Variants in DNAH3 observed in about 807,000 individuals in gnomAD.
DNAH3 encodes axonemal beta dynein heavy chain 3.
A neutral mutation model predicts 432.5 loss-of-function variants in DNAH3; 332 were observed. The ratio of observed to expected loss-of-function variants is 0.77; its 90% CI spans 0.70 to 0.84. The LOEUF (loss-of-function observed/expected upper bound fraction) is 0.84, where lower values mean the gene tolerates loss of function less well. DNAH3 is among the 40% of genes least tolerant of loss of function. The probability of loss-of-function intolerance (pLI) is 0.00; values close to 1 mark genes in which losing one functional copy is unlikely to be tolerated. For missense variants in DNAH3, 4,861 were observed against 5,114.0 expected (o/e 0.95, Z 1.51); for synonymous variants, 1,956 against 1,900.2 (o/e 1.03, Z -0.76).
chr16:21,023,707 T>A (rs536619088), intron 39 of DNAH3, among the ~76,000 whole-genome samples: 1 of 151,916 alleles, frequency 6.6e-6, no homozygotes, highest in East Asian at 1.9e-4. Flanking sequence ...TGGGCCCTGA[T>A]AAGGAGTTAA....
intron 43 of DNAH3, among the ~76,000 whole-genome samples, chr16:20,998,536 A>C (rs561474292): frequency 6.6e-6 from 1 of 152,234 alleles, no homozygotes; most frequent in East Asian, 1.9e-4. Flanking sequence ...TACAGGCGTG[A>C]GCCACCACAC....
intron 21 of DNAH3, 102 bp downstream of exon 21, chr16:21,075,345 C>T: frequency 1.2e-6 from 1 of 849,448 alleles, no homozygotes; most frequent in African/African-American, 1.7e-5. Flanking sequence ...GCGATTATTT[C>T]TCTGTGAGTT....
In DNAH3 at chr16:21,128,564, G is replaced by A. The variant is rs576909329; in HGVS notation, c.1083-752C>T. ...AAAAAAATTAGCCGGGTGTGGTGGC[G>A]GGCGCCTGTAATCCCAACCACCCGG... On this transcript the variant is annotated intron_variant, in intron 7 of 61. Coordinates refer to ENST00000261383, the Ensembl canonical transcript of DNAH3. Among the ~76,000 whole-genome samples, 8 of 151,942 alleles carry A rather than the reference G, an allele frequency of 5.3e-5. No individual in the cohort carries two copies. The South Asian group carries it at 6.3e-4, about 12-fold the overall frequency.
chr16:20,984,163 G>GTA (rs2086066068), intron 48 of DNAH3, among the ~76,000 whole-genome samples: 1 of 149,640 alleles, frequency 6.7e-6, no homozygotes, highest in African/African-American at 2.5e-5. Flanking sequence ...TTATCCCAAT[G>GTA]TGTGTGTGTG....
At chr16:21,055,947 A>T (rs1309377421) in intron 27 of DNAH3, among the ~76,000 whole-genome samples, 2 of 152,132 alleles carry the variant, frequency 1.3e-5, no homozygotes, top group Non-Finnish European at 2.9e-5. Flanking sequence ...TGTGTTGCCC[A>T]GGCTGGTCTT....
intron 39 of DNAH3, among the ~76,000 whole-genome samples, chr16:21,023,028 G>A (rs914384572): frequency 7.9e-5 from 12 of 152,126 alleles, no homozygotes; most frequent in Admixed American, 6.6e-5. Flanking sequence ...GATTACAGGC[G>A]TGAGCCACCA....
rs34245316 is a variant in DNAH3, at chr16:20,972,739, ATTTTTT to A, written c.8259+2488_8259+2493del. Among the ~76,000 whole-genome samples, 632 of 95,968 alleles carry A rather than the reference ATTTTTT, an allele frequency of 6.6e-3. 2 individuals are homozygous for A. Among genetic ancestry groups the A allele is most frequent in the Non-Finnish European group, 9.5e-3 (498 of 52,386 alleles). The allele number at this position is 95,968 out of a possible 152,430, so 63.0% of individuals were successfully genotyped here. A position where few individuals can be genotyped will look rare whatever the true frequency, so the allele number is the denominator to read the frequency against. On this transcript the variant is annotated intron_variant, in intron 51 of 61. Transcript: ENST00000261383. ...TGCCCTTCTGAGACAATGCCCCGTG[ATTTTTT>A]TTTTTTTTTTTTTTTTTTGGTCACT...
intron 12 of DNAH3, among the ~76,000 whole-genome samples, chr16:21,115,508 A>T (rs2092170585): frequency 6.6e-6 from 1 of 151,872 alleles, no homozygotes; most frequent in Non-Finnish European, 1.5e-5. Context: ...GGAGTTTGAA[A>T]CCAGCCTGGC....
intron 35 of DNAH3, 100 bp downstream of exon 35, chr16:21,036,614 G>C (rs1416692306): frequency 7.9e-6 from 9 of 1,133,590 alleles, no homozygotes; most frequent in African/African-American, 1.6e-5. Flanking sequence ...AGGCACCTCT[G>C]ATTGCTGTCA....
chr16:21,083,116 A>G (rs1171503821), intron 19 of DNAH3, among the ~76,000 whole-genome samples: 1 of 151,240 alleles, frequency 6.6e-6, no homozygotes, highest in Non-Finnish European at 1.5e-5. Flanking sequence ...TCCTGGGTCC[A>G]ATGATTTTCC....
intron 56 of DNAH3, among the ~76,000 whole-genome samples, chr16:20,951,900 T>C (rs1257525599): frequency 2.0e-5 from 3 of 152,114 alleles, no homozygotes; most frequent in East Asian, 1.9e-4. Flanking sequence ...CTGGCCACCA[T>C]GCCCGGCTAA....
At chr16:20,987,835 A>T in exon 46 of DNAH3, 2 of 1,614,170 alleles carry the variant, frequency 1.2e-6, no homozygotes, top group Non-Finnish European at 1.7e-6. Context: ...AGCTTGGACC[A>T]GCATCTTTCC....
chr16:21,123,326 T>C (rs986550276), intron 9 of DNAH3, among the ~76,000 whole-genome samples: 8 of 152,180 alleles, frequency 5.3e-5, no homozygotes, highest in East Asian at 1.9e-4. Flanking sequence ...ACTTCTTACA[T>C]AGAGATTTCT....
At chr16:21,116,000 A>G (rs191937151) in intron 12 of DNAH3, among the ~76,000 whole-genome samples, 16 of 152,188 alleles carry the variant, frequency 1.1e-4, no homozygotes, top group Admixed American at 7.2e-4. Flanking sequence ...TAATTCCTAC[A>G]AGGATTCTGC....
chr16:21,108,549 G>T (rs1290410129), intron 14 of DNAH3, among the ~76,000 whole-genome samples: 1 of 151,932 alleles, frequency 6.6e-6, no homozygotes. Context: ...TTTGAGACCA[G>T]CCTGGGCAAA....
At chr16:21,004,259 A>T (rs79480785) in intron 41 of DNAH3, among the ~76,000 whole-genome samples, 3,793 of 152,296 alleles carry the variant, frequency 0.025, 170 homozygotes, top group African/African-American at 0.087. Context: ...TCCTGTACGC[A>T]TTATCCAGCC....
intron 39 of DNAH3, among the ~76,000 whole-genome samples, chr16:21,023,786 GGTGTGTGTGTGT>G (rs3220045): frequency 1.4e-5 from 2 of 146,384 alleles, no homozygotes; most frequent in South Asian, 4.4e-4. Context: ...CAGCTTTTGG[GGTGTGTGTGTGT>G]GTGTGTGTGT....
At chr16:21,010,592 CTTAT>C (rs1330569144) in intron 41 of DNAH3, among the ~76,000 whole-genome samples, 1 of 152,160 alleles carries the variant, frequency 6.6e-6, no homozygotes, top group Non-Finnish European at 1.5e-5. Context: ...TCCTCCAGCA[CTTAT>C]TTGAGAGATC....
Position 21,097,421 on chromosome 16 carries a change from CT to C in DNAH3, c.2598del (p.Val867TyrfsTer21). 6.2e-7 allele frequency: 1 copy of C among 1,613,968 alleles called. No homozygotes were observed. Among genetic ancestry groups the C allele is most frequent in the East Asian group, 2.2e-5 (1 of 44,872 alleles). ...GTCGACCACAGCTGCTCATAAGGTA[CT>C]TTGTTCTTCAGCATGGCCTGCAGAA... is the stretch of plus-strand genomic sequence containing the variant. On this transcript the variant is annotated frameshift_variant, in exon 18 of 62. Coordinates refer to ENST00000261383, the Ensembl canonical transcript of DNAH3. LOFTEE classifies it high-confidence loss of function.
Sources: allele counts gnomAD v4.1 joint callset (sites outside exome capture counted in the v4.1 genomes callset), GRCh38; gene constraint gnomAD v4.1.1; transcripts MANE v1.5; gene names NCBI Gene and HGNC (gene_info 2026-07-23, HGNC 2026-07-21).